GNL3: variants seen among roughly 807,000 people sequenced by gnomAD.
GNL3 encodes G protein nucleolar 3.
Under a neutral mutation model 70.6 loss-of-function variants are expected in GNL3, and 77 were observed. The ratio of observed to expected loss-of-function variants is 1.09; its 90% CI spans 0.91 to 1.32. The LOEUF is 1.32. Ranked by LOEUF, GNL3 falls within the 40% of genes most tolerant of loss-of-function variation. The pLI is 0.00. For missense variants in GNL3, 634 were observed against 644.0 expected, an observed-to-expected ratio of 0.98 and a Z score of 0.17; for synonymous variants, 252 against 216.1, an observed-to-expected ratio of 1.17 and a Z score of -1.46.
In GNL3 at chr3:52,689,446, C is replaced by G. The variant is rs561319925; in HGVS notation, c.541+240C>G. The G allele has an allele frequency of 7.8e-4, 438 of 562,478 alleles. 2 individuals carry two copies. The highest frequency in any genetic ancestry group is 1.1e-3 in the Non-Finnish European group (334 of 305,662). The allele number at this position is 562,478 out of a possible 1,614,324, so 34.8% of individuals were successfully genotyped here. A position where few individuals can be genotyped will look rare whatever the true frequency, so the allele number is the denominator to read the frequency against. On this transcript the variant is annotated intron_variant, in intron 6 of 14. Transcript: ENST00000418458. The stretch of plus-strand genomic sequence containing the variant: ...CCATCTTTTAAATAAAGAGTGTAAG[C>G]TGCTATACCCAGCTTATTGTGTAGT...
At chr3:52,686,261 T>C (rs1283772676) in intron 1 of GNL3, 156 bp downstream of exon 1, 1 of 749,718 alleles carries the variant, frequency 1.3e-6, no homozygotes, top group Non-Finnish European at 2.2e-6. Flanking sequence ...GAACCGAGAG[T>C]TGGAAGTCCC....
At chr3:52,691,256 CT>C (rs1483618305) in intron 8 of GNL3, 185 bp downstream of exon 8, 5 of 622,554 alleles carry the variant, frequency 8.0e-6, no homozygotes, top group Non-Finnish European at 5.6e-6. Flanking sequence ...AAGAAAAAAA[CT>C]TACACAACTG....
intron 2 of GNL3, 188 bp from the exon 3 acceptor site, chr3:52,687,058 T>G (rs907912528): frequency 1.1e-5 from 7 of 635,048 alleles, no homozygotes; most frequent in Admixed American, 2.9e-5. Flanking sequence ...ATAGAGAGCC[T>G]TCTAGTTACA....
chr3:52,692,628 T>C, intron 9 of GNL3: 1 of 595,832 alleles, frequency 1.7e-6, no homozygotes, highest in South Asian at 1.5e-5. Context: ...GAAGGTGGCA[T>C]ATTTATAGCA....
chr3:52,690,510 G>C, intron 6 of GNL3, 82 bp from the exon 7 acceptor site: 2 of 760,522 alleles, frequency 2.6e-6, no homozygotes, highest in Non-Finnish European at 4.8e-6. Context: ...TGATCCGCCT[G>C]TCTCGGCCTC....
chr3:52,692,339 C>T (rs1279280349), intron 9 of GNL3, among the ~76,000 whole-genome samples: 1 of 142,214 alleles, frequency 7.0e-6, no homozygotes, highest in Non-Finnish European at 1.5e-5. Flanking sequence ...TGTTGGGTGG[C>T]ATGAGCCACT....
rs145299933 is a variant in GNL3 at position 52,686,518 on chromosome 3, C to G, written c.14-251C>G. 1.9e-3 allele frequency: 1,092 copies of G among 578,382 alleles called. 12 individuals carry two copies. The highest frequency in any genetic ancestry group is 0.019 in the African/African-American group (998 of 53,542). 35.8% of individuals were successfully genotyped at this position (578,382 alleles called of 1,614,324 possible). On this transcript the variant is annotated intron_variant, in intron 1 of 14. Transcript: ENST00000418458. ...ACGAAGTGGTTGTCGTTTTGTGTCT[C>G]ATACGCTGTTGTGTATGATCCCATT...
intron 6 of GNL3, among the ~76,000 whole-genome samples, chr3:52,689,627 A>G (rs1553911023): frequency 6.6e-6 from 1 of 152,198 alleles, no homozygotes; most frequent in Non-Finnish European, 1.5e-5. Flanking sequence ...CAGGAAAAAG[A>G]AAACCCAGAA....
Position 52,687,528 on chromosome 3 carries a change from A to G in GNL3, c.237A>G (p.Lys79=). 1 of 1,613,776 alleles carries G rather than the reference A, an allele frequency of 6.2e-7. No homozygotes were observed. Among genetic ancestry groups the G allele is most frequent in the South Asian group, 1.1e-5 (1 of 91,072 alleles). ...TTGAAGAACTAAAACAGCAGCAGAA[A>G]CTTGACAGGCAGAAGGAACTAGAAA... ...QRLEELKQQQ[K]LDRQKELEKK... The change falls in exon 4 of 15, where the codon AAA becomes AAG. Residue 79 remains lysine, a synonymous_variant. Coordinates refer to ENST00000418458, the MANE Select transcript of GNL3 (RefSeq NM_014366.5).
At position 52,691,528 on chromosome 3, in the gene GNL3, C is replaced by G; in HGVS notation, c.782-14C>G. 6.9e-7 allele frequency: 1 copy of G among 1,446,530 alleles called. No individual in the cohort carries two copies. The highest frequency in any genetic ancestry group is 1.2e-5 in the South Asian group (1 of 85,236). 89.6% of individuals were successfully genotyped at this position (1,446,530 alleles called of 1,614,324 possible). A position where few individuals can be genotyped will look rare whatever the true frequency, so the allele number is the denominator to read the frequency against. ...ATAATGCTTTTTATATCTGGATTTC[C>G]CATTTATTTGTAGGTTTCCCAAATG... On this transcript the variant is annotated splice_polypyrimidine_tract_variant and intron_variant, in intron 8 of 14. Transcript: ENST00000418458.
rs1404135643 is a variant in GNL3 at position 52,688,122 on chromosome 3, G to A, written c.338G>A (p.Cys113Tyr). Reference protein sequence around the residue: ...VEPMEKEFGLCKTENKAKSGK... With the variant: ...VEPMEKEFGLYKTENKAKSGK... ...TTTATCCTCTAGGAGTTTGGGCTTT[G>A]CAAAACTGAGAACAAAGCCAAGTCG... The change falls in exon 5 of 15, where the codon TGC becomes TAC. Residue 113 changes from cysteine to tyrosine, a missense_variant. By Grantham distance (194) the Cys-to-Tyr change is radical (BLOSUM62 -2). Coordinates refer to ENST00000418458, the MANE Select transcript of GNL3 (RefSeq NM_014366.5). The A allele has an allele frequency of 6.2e-7, 1 of 1,606,086 alleles. No homozygotes were observed. The highest frequency in any genetic ancestry group is 8.5e-7 in the Non-Finnish European group (1 of 1,172,728).
At position 52,693,060 on chromosome 3, in the gene GNL3, T is replaced by C; in HGVS notation, c.1044+14T>C. ...GATGCTCGACAGGTAAAAGGACCCC[T>C]TCTCATGAGCTCCTTGGAGCCATCT... is the stretch of plus-strand genomic sequence containing the variant. On this transcript the variant is annotated intron_variant, in intron 10 of 14. Coordinates refer to ENST00000418458, the MANE Select transcript of GNL3 (RefSeq NM_014366.5). 6.2e-7 allele frequency: 1 copy of C among 1,613,358 alleles called. No individual in the cohort carries two copies.
At chr3:52,691,970 G>A (rs2097327747) in intron 9 of GNL3, among the ~76,000 whole-genome samples, 1 of 152,146 alleles carries the variant, frequency 6.6e-6, no homozygotes, top group South Asian at 2.1e-4. Context: ...CAAAGTGCTG[G>A]GGTTACAGGC....
At chr3:52,692,770 T>G (rs768321713) in intron 9 of GNL3, 102 bp from the exon 10 acceptor site, 20 of 847,836 alleles carry the variant, frequency 2.4e-5, no homozygotes, top group South Asian at 1.2e-4. Context: ...TGGATCTGAC[T>G]GACTGTGCTG....
At chr3:52,693,932 C>T (rs1015140812) in intron 13 of GNL3, 105 bp from the exon 14 acceptor site, 3 of 1,280,578 alleles carry the variant, frequency 2.3e-6, no homozygotes, top group African/African-American at 3.0e-5. Flanking sequence ...TTGCACATCC[C>T]GTTATATGTA....
intron 6 of GNL3, among the ~76,000 whole-genome samples, chr3:52,689,710 T>C (rs1486042860): frequency 6.6e-6 from 1 of 151,974 alleles, no homozygotes; most frequent in African/African-American, 2.4e-5. Flanking sequence ...ATTGGCTGCT[T>C]GGGAGGCTGA....
Position 52,688,154 on chromosome 3 carries a change from C to A in GNL3, c.370C>A (p.Gln124Lys). The stretch of plus-strand genomic sequence containing the variant: ...TGAGAACAAAGCCAAGTCGGGCAAA[C>A]AGAATTCAAAGAAGCTGTACTGCCA... ...KTENKAKSGKQNSKKLYCQEL... is the reference protein window; with the variant it reads ...KTENKAKSGKKNSKKLYCQEL... Residue 124 changes from glutamine (Q) to lysine (K), a missense_variant, in exon 5 of 15, where the codon CAG becomes AAG. Coordinates refer to ENST00000418458, the MANE Select transcript of GNL3 (RefSeq NM_014366.5). 1 of 1,611,364 alleles carries A rather than the reference C, an allele frequency of 6.2e-7. No homozygotes were observed. The highest frequency in any genetic ancestry group is 8.5e-7 in the Non-Finnish European group (1 of 1,177,488).
At chr3:52,692,618 G>A (rs2097328390) in intron 9 of GNL3, 2 of 548,010 alleles carry the variant, frequency 3.6e-6, no homozygotes, top group Non-Finnish European at 7.0e-6. Context: ...CGCCCAGCCA[G>A]AAGGTGGCAT....
intron 6 of GNL3, 88 bp downstream of exon 6, chr3:52,689,294 C>A: frequency 8.3e-7 from 1 of 1,201,670 alleles, no homozygotes; most frequent in Non-Finnish European, 1.2e-6. Context: ...TGATTAGATC[C>A]AACTCTGATC....
Sources: allele counts gnomAD v4.1 joint callset (sites outside exome capture counted in the v4.1 genomes callset), GRCh38; gene constraint gnomAD v4.1.1; transcripts MANE v1.5; gene names NCBI Gene and HGNC (gene_info 2026-07-23, HGNC 2026-07-21).